PLEKHG1: variants seen among roughly 807,000 people sequenced by gnomAD.
PLEKHG1 encodes pleckstrin homology domain-containing family G member 1.
PLEKHG1 carries 44 observed loss-of-function variants against 100.8 expected under a neutral mutation model. The observed-to-expected ratio is 0.44, with a 90% confidence interval of 0.34 to 0.56. The LOEUF is 0.56. Ranked by LOEUF, PLEKHG1 falls within the 20% of genes least tolerant of loss-of-function variation. The probability of loss-of-function intolerance (pLI) is 0.01; values close to 1 mark genes in which losing one functional copy is unlikely to be tolerated. For synonymous variants in PLEKHG1, 640 were observed against 662.5 expected, an observed-to-expected ratio of 0.97 and a Z score of 0.52; for missense variants, 1,545 against 1,720.9, an observed-to-expected ratio of 0.90 and a Z score of 1.81.
chr6:150,679,202 G>A (rs1430099609), intron 3 of PLEKHG1, among the ~76,000 whole-genome samples: 1 of 152,180 alleles, frequency 6.6e-6, no homozygotes, highest in African/African-American at 2.4e-5. Context: ...AAGCACCATT[G>A]CCTTGACTTT....
intron 3 of PLEKHG1, among the ~76,000 whole-genome samples, chr6:150,707,986 A>G (rs1781093465): frequency 6.6e-6 from 1 of 151,956 alleles, no homozygotes; most frequent in Non-Finnish European, 1.5e-5. Flanking sequence ...CCTGCCCCGG[A>G]TATTCAGCAT....
At chr6:150,658,826 C>T (rs1381295625) in intron 3 of PLEKHG1, among the ~76,000 whole-genome samples, 1 of 152,224 alleles carries the variant, frequency 6.6e-6, no homozygotes, top group Non-Finnish European at 1.5e-5. Flanking sequence ...TGTCTCATCT[C>T]TGCTTTTTCA....
At chr6:150,828,922 A>G (rs1203755969) in intron 14 of PLEKHG1, among the ~76,000 whole-genome samples, 1 of 152,212 alleles carries the variant, frequency 6.6e-6, no homozygotes. Flanking sequence ...AACAAATATT[A>G]GGTATAAATA....
intron 1 of PLEKHG1, among the ~76,000 whole-genome samples, chr6:150,613,702 A>T (rs62432658): frequency 6.6e-6 from 1 of 152,090 alleles, no homozygotes; most frequent in Admixed American, 6.5e-5. Flanking sequence ...GCTCTCCAGC[A>T]CTGTCCTACC....
chr6:150,825,808 A>C (rs1357869446), intron 14 of PLEKHG1, among the ~76,000 whole-genome samples: 1 of 152,218 alleles, frequency 6.6e-6, no homozygotes, highest in Non-Finnish European at 1.5e-5. Flanking sequence ...CAGAACTGTT[A>C]AAAAGATTAA....
At chr6:150,816,593 A>C (rs952408857) in intron 10 of PLEKHG1, among the ~76,000 whole-genome samples, 5 of 151,898 alleles carry the variant, frequency 3.3e-5, no homozygotes, top group African/African-American at 1.2e-4. Context: ...CAAAGTGCTG[A>C]GATCATAGGC....
chr6:150,678,756 G>T (rs1779842374), intron 3 of PLEKHG1, among the ~76,000 whole-genome samples: 1 of 152,184 alleles, frequency 6.6e-6, no homozygotes, highest in African/African-American at 2.4e-5. Context: ...GCTAAAGATG[G>T]TTATTTCCAA....
chr6:150,760,489 C>T (rs1057509936), intron 2 of PLEKHG1, among the ~76,000 whole-genome samples: 6 of 152,188 alleles, frequency 3.9e-5, no homozygotes, highest in Middle Eastern at 3.4e-3. Context: ...AGTGAATGCC[C>T]ACAGCAGCCT....
chr6:150,617,927 T>C (rs2128555828), intron 1 of PLEKHG1, among the ~76,000 whole-genome samples: 1 of 152,322 alleles, frequency 6.6e-6, no homozygotes, highest in Admixed American at 6.5e-5. Context: ...ATATGGTGTG[T>C]GCTGGTTAAT....
chr6:150,721,138 CCTGACTGAGGT>C (rs1372976528), exon 1 of PLEKHG1: 2 of 985,166 alleles, frequency 2.0e-6, no homozygotes, highest in Non-Finnish European at 2.4e-6. Flanking sequence ...GTTTCTTTTA[CCTGACTGAGGT>C]CACTGCATCA....
At chr6:150,699,592 T>C (rs1164926676) in intron 3 of PLEKHG1, among the ~76,000 whole-genome samples, 1 of 152,220 alleles carries the variant, frequency 6.6e-6, no homozygotes, top group Non-Finnish European at 1.5e-5. Context: ...ACAGTGACAT[T>C]GAGAACAAGC....
At chr6:150,734,376 G>T (rs1562473087) in intron 2 of PLEKHG1, among the ~76,000 whole-genome samples, 2 of 152,210 alleles carry the variant, frequency 1.3e-5, no homozygotes, top group Admixed American at 1.3e-4. Flanking sequence ...ATGTCAGAGT[G>T]ACTCACACGC....
intron 3 of PLEKHG1, among the ~76,000 whole-genome samples, chr6:150,702,560 GTGTGT>G (rs1780838843): frequency 7.0e-6 from 1 of 142,952 alleles, no homozygotes; most frequent in African/African-American, 2.7e-5. Context: ...GTTTTGGGGT[GTGTGT>G]GTGTGTGTGT....
At chr6:150,715,846 C>T (rs1404661499) in intron 3 of PLEKHG1, among the ~76,000 whole-genome samples, 7 of 149,086 alleles carry the variant, frequency 4.7e-5, no homozygotes, top group Non-Finnish European at 1.0e-4. Context: ...CGGTGGCTCA[C>T]GCCTGTAATC....
chr6:150,685,529 C>G (rs1296157478), intron 3 of PLEKHG1, among the ~76,000 whole-genome samples: 1 of 152,176 alleles, frequency 6.6e-6, no homozygotes, highest in African/African-American at 2.4e-5. Context: ...GCAGGAATCC[C>G]GCCCTGAGAT....
chr6:150,808,024 A>G (rs1366411428), intron 7 of PLEKHG1, among the ~76,000 whole-genome samples: 1 of 152,176 alleles, frequency 6.6e-6, no homozygotes, highest in Non-Finnish European at 1.5e-5. Flanking sequence ...GCACAACAGG[A>G]GGATTACAGT....
At position 150,831,014 on chromosome 6, in the gene PLEKHG1, C is replaced by A; in HGVS notation, c.1903C>A (p.Pro635Thr). 6.2e-7 allele frequency: 1 copy of A among 1,613,900 alleles called. No homozygotes were observed. Among genetic ancestry groups the A allele is most frequent in the Non-Finnish European group, 8.5e-7 (1 of 1,179,972 alleles). The stretch of plus-strand genomic sequence containing the variant: ...CAGAACTAGGGAACTGCAGAACAGC[C>A]CCAAAACAGAAGGGCAGGAGGAGAT... The change falls in exon 15 of 16, where the codon CCC (proline) becomes ACC (threonine). Residue 635 changes from proline (P) to threonine (T), a missense_variant. Physicochemically the swap from Pro to Thr is conservative, Grantham distance 38 (BLOSUM62 -1). Coordinates refer to ENST00000358517, the Ensembl canonical transcript of PLEKHG1. The surrounding 1 kb of genome is among the most constrained non-coding windows in gnomAD (Gnocchi z 4.1).
At chr6:150,662,922 A>G (rs1292107166) in intron 3 of PLEKHG1, 1 of 152,226 alleles carries the variant, frequency 6.6e-6, no homozygotes, top group African/African-American at 2.4e-5. Context: ...TATTTTATGA[A>G]CATGAGCTTT....
At chr6:150,779,066 A>C (rs1006445069) in intron 3 of PLEKHG1, among the ~76,000 whole-genome samples, 1 of 152,172 alleles carries the variant, frequency 6.6e-6, no homozygotes, top group Non-Finnish European at 1.5e-5. Flanking sequence ...GTGGCCATGC[A>C]TTATTGGCAG....
Sources: allele counts gnomAD v4.1 joint callset (sites outside exome capture counted in the v4.1 genomes callset), GRCh38; gene constraint gnomAD v4.1.1; non-coding constraint Gnocchi (gnomAD v3.1); transcripts MANE v1.5; gene names NCBI Gene and HGNC (gene_info 2026-07-23, HGNC 2026-07-21).